Variants in AKAP7 observed in about 807,000 individuals in gnomAD.
AKAP7 encodes the protein A-kinase anchoring protein 7.
AKAP7 carries 39 observed loss-of-function variants against 39.5 expected under a neutral mutation model. The observed-to-expected ratio is 0.99, with a 90% CI of 0.76 to 1.29. The LOEUF is 1.29. Among genes scored for constraint, AKAP7 ranks in the 50% most tolerant of loss-of-function variants. The pLI is 0.00. For synonymous variants in AKAP7, 140 were observed against 139.1 expected, an observed-to-expected ratio of 1.01 and a Z score of -0.05; for missense variants, 414 against 407.7, an observed-to-expected ratio of 1.02 and a Z score of -0.13.
intron 5 of AKAP7, among the ~76,000 whole-genome samples, chr6:131,182,940 G>A (rs577518912): frequency 4.6e-5 from 7 of 151,360 alleles, no homozygotes; most frequent in East Asian, 1.9e-4. Flanking sequence ...TTTTATATTC[G>A]CTTTACATAT....
At chr6:131,212,014 C>G (rs1232823006) in intron 6 of AKAP7, among the ~76,000 whole-genome samples, 2 of 152,088 alleles carry the variant, frequency 1.3e-5, no homozygotes, top group African/African-American at 2.4e-5. Flanking sequence ...AACACAAAAC[C>G]CATTTTATAG....
chr6:131,269,354 G>T (rs1460313233), intron 7 of AKAP7, among the ~76,000 whole-genome samples: 1 of 152,182 alleles, frequency 6.6e-6, no homozygotes, highest in African/African-American at 2.4e-5. Context: ...AGTCTAGAAT[G>T]CATACTACTT....
intron 2 of AKAP7, among the ~76,000 whole-genome samples, chr6:131,152,594 G>A (rs940082835): frequency 2.7e-5 from 4 of 148,698 alleles, no homozygotes; most frequent in African/African-American, 5.0e-5. Context: ...TTGGGAGGCC[G>A]AGGAGGGCGG....
intron 7 of AKAP7, among the ~76,000 whole-genome samples, chr6:131,244,438 G>T (rs1010712573): frequency 6.6e-6 from 1 of 152,220 alleles, no homozygotes; most frequent in East Asian, 1.9e-4. Flanking sequence ...TGCTGTAAAT[G>T]TGAGGTGTCC....
intron 7 of AKAP7, among the ~76,000 whole-genome samples, chr6:131,265,490 A>G (rs1813710076): frequency 6.6e-6 from 1 of 152,208 alleles, no homozygotes; most frequent in Admixed American, 6.5e-5. Context: ...TGGCTCACAG[A>G]TAAAGTGGGC....
chr6:131,215,896 A>G (rs548387808), intron 6 of AKAP7, among the ~76,000 whole-genome samples: 2 of 152,344 alleles, frequency 1.3e-5, no homozygotes, highest in South Asian at 2.1e-4. Context: ...TTGTCAAGTC[A>G]TTATCACAGG....
At chr6:131,244,651 G>A (rs1346823005) in intron 7 of AKAP7, among the ~76,000 whole-genome samples, 1 of 152,198 alleles carries the variant, frequency 6.6e-6, no homozygotes, top group Non-Finnish European at 1.5e-5. Context: ...AGTAACCATG[G>A]AGTAGGCATT....
intron 7 of AKAP7, among the ~76,000 whole-genome samples, chr6:131,268,752 A>T (rs1814026065): frequency 6.6e-6 from 1 of 152,212 alleles, no homozygotes; most frequent in African/African-American, 2.4e-5. Flanking sequence ...CTGTATTCTC[A>T]TGAGCAGGTG....
intron 5 of AKAP7, among the ~76,000 whole-genome samples, chr6:131,170,092 A>G (rs932153643): frequency 1.4e-5 from 2 of 145,344 alleles, no homozygotes; most frequent in Non-Finnish European, 3.0e-5. Context: ...GTGGGAATTG[A>G]ACAATGAGAA....
intron 2 of AKAP7, among the ~76,000 whole-genome samples, chr6:131,147,107 G>C (rs546562971): frequency 5.9e-5 from 9 of 152,326 alleles, no homozygotes; most frequent in African/African-American, 1.7e-4. Context: ...TGGAGGATGA[G>C]TATGAACTAT....
intron 7 of AKAP7, among the ~76,000 whole-genome samples, chr6:131,272,662 G>A (rs943370761): frequency 6.6e-6 from 1 of 152,060 alleles, no homozygotes; most frequent in Middle Eastern, 3.4e-3. Flanking sequence ...GGATTCTCAG[G>A]GTATCTTTCT....
intron 7 of AKAP7, among the ~76,000 whole-genome samples, chr6:131,279,349 A>G (rs1042540256): frequency 9.2e-5 from 14 of 152,112 alleles, no homozygotes; most frequent in Non-Finnish European, 1.8e-4. Flanking sequence ...GCTCACTGCA[A>G]CCTCTGCCTC....
At chr6:131,168,915 TCTTTA>T (rs913868919) in intron 4 of AKAP7, among the ~76,000 whole-genome samples, 193 bp from the exon 5 acceptor site, 1 of 152,326 alleles carries the variant, frequency 6.6e-6, no homozygotes, top group Admixed American at 6.5e-5. Context: ...GGTAAAGATT[TCTTTA>T]CTTCTTCCAT....
chr6:131,172,382 C>T (rs1013024793), intron 5 of AKAP7, among the ~76,000 whole-genome samples: 1 of 152,110 alleles, frequency 6.6e-6, no homozygotes, highest in Non-Finnish European at 1.5e-5. Context: ...CAGAGTCTTG[C>T]TCTGTCACCC....
At chr6:131,161,694 C>T (rs1802984608) in intron 3 of AKAP7, among the ~76,000 whole-genome samples, 1 of 122,312 alleles carries the variant, frequency 8.2e-6, no homozygotes, top group Admixed American at 8.5e-5. Context: ...ATTAAAGGTC[C>T]TAGTGCAATA....
At chr6:131,211,355 T>C (rs1808623156) in intron 6 of AKAP7, among the ~76,000 whole-genome samples, 1 of 152,204 alleles carries the variant, frequency 6.6e-6, no homozygotes, top group Non-Finnish European at 1.5e-5. Flanking sequence ...TTTTGAAATC[T>C]CTAAAAGAAA....
chr6:131,203,448 G>GT (rs969912388), intron 6 of AKAP7, among the ~76,000 whole-genome samples: 6 of 151,470 alleles, frequency 4.0e-5, no homozygotes, highest in Admixed American at 2.6e-4. Flanking sequence ...CGAAATAATA[G>GT]TTTTTTTTTA....
intron 6 of AKAP7, 79 bp downstream of exon 6, chr6:131,199,652 T>C: frequency 8.7e-7 from 1 of 1,151,624 alleles, no homozygotes; most frequent in Non-Finnish European, 1.3e-6. Flanking sequence ...CGAGTGACAT[T>C]GCTGTGGTCT....
intron 7 of AKAP7, among the ~76,000 whole-genome samples, chr6:131,230,827 TA>T (rs1290042233): frequency 1.3e-5 from 2 of 152,160 alleles, no homozygotes; most frequent in African/African-American, 4.8e-5. Context: ...ACATTGCAAC[TA>T]AACTTGAAGA....
Sources: allele counts gnomAD v4.1 joint callset (sites outside exome capture counted in the v4.1 genomes callset), GRCh38; gene constraint gnomAD v4.1.1; transcripts MANE v1.5; gene names NCBI Gene and HGNC (gene_info 2026-07-23, HGNC 2026-07-21).